DCTN6: variants seen among roughly 807,000 people sequenced by gnomAD.
The protein encoded by DCTN6 is dynactin subunit 6.
DCTN6 carries 15 observed loss-of-function variants against 25.8 expected under a neutral mutation model. The observed-to-expected ratio is 0.58, with a 90% CI of 0.39 to 0.89. DCTN6 has a LOEUF of 0.89. Ranked by LOEUF, DCTN6 falls within the 40% of genes least tolerant of loss-of-function variation. DCTN6 has a pLI of 0.00. For synonymous variants in DCTN6, 64 were observed against 78.3 expected (o/e 0.82, Z 0.96); for missense variants, 198 against 237.6 (o/e 0.83, Z 1.09).
intron 4 of DCTN6, among the ~76,000 whole-genome samples, chr8:30,178,699 C>A (rs1803876578): frequency 6.6e-6 from 1 of 152,146 alleles, no homozygotes; most frequent in South Asian, 2.1e-4. Context: ...TGCTCTGTCA[C>A]CCAGGCTGGC....
At chr8:30,163,966 T>A in intron 1 of DCTN6, 145 bp from the exon 2 acceptor site, 3 of 656,102 alleles carry the variant, frequency 4.6e-6, no homozygotes, top group Non-Finnish European at 8.0e-6. Context: ...CCTCCCAAAG[T>A]GCTAGGATTA....
chr8:30,173,803 C>G (rs1357863203), intron 2 of DCTN6, among the ~76,000 whole-genome samples: 1 of 148,376 alleles, frequency 6.7e-6, no homozygotes, highest in African/African-American at 2.5e-5. Flanking sequence ...CCCCCACCCC[C>G]TCTATCAACA....
At chr8:30,169,223 C>G (rs1803727623) in intron 2 of DCTN6, among the ~76,000 whole-genome samples, 1 of 152,182 alleles carries the variant, frequency 6.6e-6, no homozygotes, top group South Asian at 2.1e-4. Context: ...AAATTATCAC[C>G]TATAAAGCAC....
chr8:30,181,905 T>C (rs564966759), intron 6 of DCTN6, among the ~76,000 whole-genome samples: 2 of 152,138 alleles, frequency 1.3e-5, no homozygotes, highest in South Asian at 4.2e-4. Flanking sequence ...AGACATAACT[T>C]TGCTTCTGAT....
chr8:30,169,199 G>T (rs972057799), intron 2 of DCTN6, among the ~76,000 whole-genome samples: 4 of 152,158 alleles, frequency 2.6e-5, no homozygotes, highest in Non-Finnish European at 1.5e-5. Flanking sequence ...GCAGAACAGT[G>T]GCTTTGACTT....
At chr8:30,173,092 T>G (rs1405636776) in intron 2 of DCTN6, among the ~76,000 whole-genome samples, 1 of 152,182 alleles carries the variant, frequency 6.6e-6, no homozygotes, top group Non-Finnish European at 1.5e-5. Context: ...CAGAAGTGAC[T>G]GAGAGATCAA....
Position 30,177,152 on chromosome 8 carries a change from C to T in DCTN6, c.221C>T (p.Thr74Ile), listed in dbSNP as rs150097533. 6.8e-5 allele frequency: 110 copies of T among 1,613,598 alleles called. No individual in the cohort carries two copies. Among genetic ancestry groups the T allele is most frequent in the Admixed American group, 1.3e-4 (8 of 59,974 alleles). The change falls in exon 4 of 7, where the codon ACT becomes ATT. Residue 74 changes from threonine (T) to isoleucine (I), a missense_variant. By Grantham distance (89) the Thr-to-Ile change is moderately conservative. Coordinates refer to ENST00000221114, the MANE Select transcript of DCTN6 (RefSeq NM_006571.4). ...NAYPDNITPD[T>I]EDPEPKPMII... ...TACCCAGATAATATCACTCCTGACA[C>T]TGAAGATCCAGAACCAAAACCTATG...
intron 1 of DCTN6, among the ~76,000 whole-genome samples, chr8:30,163,479 T>C (rs1027777546): frequency 6.6e-6 from 1 of 152,144 alleles, no homozygotes; most frequent in Non-Finnish European, 1.5e-5. Context: ...TAATAGTCCA[T>C]AATGTGCCAT....
At chr8:30,163,251 G>A (rs1407937420) in intron 1 of DCTN6, among the ~76,000 whole-genome samples, 1 of 152,078 alleles carries the variant, frequency 6.6e-6, no homozygotes, top group Non-Finnish European at 1.5e-5. Context: ...GAGCCGAGAT[G>A]GTGCCATTGC....
intron 2 of DCTN6, among the ~76,000 whole-genome samples, chr8:30,167,652 T>C (rs1177865489): frequency 6.6e-6 from 1 of 152,210 alleles, no homozygotes; most frequent in Non-Finnish European, 1.5e-5. Context: ...TAGCTGGTAG[T>C]GCACAATTCT....
chr8:30,157,395 C>T (rs1803540563), intron 1 of DCTN6, among the ~76,000 whole-genome samples: 1 of 152,152 alleles, frequency 6.6e-6, no homozygotes, highest in African/African-American at 2.4e-5. Context: ...CAGTGATAGT[C>T]ATAGGAGTGC....
At chr8:30,181,327 C>G (rs1358801091) in intron 6 of DCTN6, among the ~76,000 whole-genome samples, 1 of 152,198 alleles carries the variant, frequency 6.6e-6, no homozygotes, top group East Asian at 1.9e-4. Flanking sequence ...TCCTGTGCCT[C>G]TAACTGGGGT....
At position 30,156,377 on chromosome 8, in the gene DCTN6, C is replaced by T; in HGVS notation, c.-7C>T. 1 of 1,603,454 alleles carries T rather than the reference C, an allele frequency of 6.2e-7. No individual in the cohort carries two copies. Among genetic ancestry groups the T allele is most frequent in the Non-Finnish European group, 8.5e-7 (1 of 1,174,894 alleles). The stretch of plus-strand genomic sequence containing the variant: ...GTGTCGATCTACGTTCCAATTGGGG[C>T]CGTACCATGGCGGAGAAGACTCAAA... On this transcript the variant is annotated 5_prime_UTR_variant, in exon 1 of 7. Coordinates refer to ENST00000221114, the MANE Select transcript of DCTN6 (RefSeq NM_006571.4).
intron 1 of DCTN6, among the ~76,000 whole-genome samples, chr8:30,161,452 G>A (rs1316625092): frequency 1.3e-5 from 2 of 152,062 alleles, no homozygotes; most frequent in Non-Finnish European, 2.9e-5. Context: ...TCAATTATCT[G>A]CATACCATTT....
chr8:30,166,188 T>G (rs1043525621), intron 2 of DCTN6, among the ~76,000 whole-genome samples: 1 of 152,188 alleles, frequency 6.6e-6, no homozygotes, highest in Non-Finnish European at 1.5e-5. Context: ...AAAGTAAGAC[T>G]GAAGTGATGT....
chr8:30,156,379 G>T lies in DCTN6; in HGVS notation c.-5G>T. ...GTCGATCTACGTTCCAATTGGGGCC[G>T]TACCATGGCGGAGAAGACTCAAAAG... is the stretch of plus-strand genomic sequence containing the variant. On this transcript the variant is annotated 5_prime_UTR_variant, in exon 1 of 7. Transcript: ENST00000221114. 1 of 1,604,880 alleles carries T rather than the reference G, an allele frequency of 6.2e-7. No individual in the cohort carries two copies. The highest frequency in any genetic ancestry group is 8.5e-7 in the Non-Finnish European group (1 of 1,175,712).
intron 3 of DCTN6, chr8:30,176,589 A>G (rs1384393343): frequency 1.3e-5 from 2 of 152,412 alleles, no homozygotes; most frequent in African/African-American, 2.4e-5. Context: ...ATTCTTTTCC[A>G]CACACCAATG....
intron 6 of DCTN6, among the ~76,000 whole-genome samples, chr8:30,182,758 T>A (rs1323936988): frequency 2.6e-5 from 4 of 151,596 alleles, no homozygotes; most frequent in African/African-American, 7.3e-5. Flanking sequence ...AGTGGTGTAA[T>A]CATGGCTCAC....
chr8:30,169,926 A>G (rs1803739900), intron 2 of DCTN6, among the ~76,000 whole-genome samples: 2 of 152,274 alleles, frequency 1.3e-5, no homozygotes, highest in South Asian at 2.1e-4. Context: ...TAATCCTAGC[A>G]CTTTGGGAGG....
Sources: allele counts gnomAD v4.1 joint callset (sites outside exome capture counted in the v4.1 genomes callset), GRCh38; gene constraint gnomAD v4.1.1; transcripts MANE v1.5; gene names NCBI Gene and HGNC (gene_info 2026-07-23, HGNC 2026-07-21).